The following SYNPO variants were observed in gnomAD, a reference collection of about 807,000 sequenced individuals.
SYNPO encodes synaptopodin.
In SYNPO, 19 loss-of-function variants were observed where a neutral mutation model predicts 49.5. The observed-to-expected ratio is 0.38, with a 90% CI of 0.27 to 0.56. The LOEUF (loss-of-function observed/expected upper bound fraction) is 0.56, where lower values mean the gene tolerates loss of function less well. Ranked by LOEUF, SYNPO falls within the 20% of genes least tolerant of loss-of-function variation. SYNPO has a pLI of 0.68. For synonymous variants in SYNPO, 536 were observed against 548.0 expected (o/e 0.98, Z 0.31); for missense variants, 1,131 against 1,248.3 (o/e 0.91, Z 1.42).
intron 2 of SYNPO, among the ~76,000 whole-genome samples, chr5:150,625,365 G>T (rs1236838771): frequency 6.6e-6 from 1 of 152,210 alleles, no homozygotes; most frequent in Non-Finnish European, 1.5e-5. Flanking sequence ...GCGCCGTGGG[G>T]GCAGCGGGAA....
At chr5:150,606,561 C>T (rs112747499) in intron 1 of SYNPO, among the ~76,000 whole-genome samples, 7 of 152,272 alleles carry the variant, frequency 4.6e-5, no homozygotes, top group African/African-American at 1.7e-4. Context: ...TGTCCCAGAG[C>T]ACTGGGCTCT....
intron 1 of SYNPO, among the ~76,000 whole-genome samples, chr5:150,615,925 TA>T (rs1333448180): frequency 1.3e-5 from 2 of 152,192 alleles, no homozygotes; most frequent in African/African-American, 4.8e-5. Flanking sequence ...AATTCTCTCA[TA>T]GGGTTGATGT....
chr5:150,589,800 T>C, the SYNPO span, among the ~76,000 whole-genome samples: 2 of 152,054 alleles, frequency 1.3e-5, no homozygotes, highest in Non-Finnish European at 2.9e-5. Context: ...CAAATGAGGG[T>C]TTATTCAGAG....
intron 2 of SYNPO, among the ~76,000 whole-genome samples, chr5:150,625,684 C>T (rs1382796804): frequency 6.6e-6 from 1 of 152,218 alleles, no homozygotes; most frequent in Non-Finnish European, 1.5e-5. Flanking sequence ...ATCAGGGGCA[C>T]TGTCCAGAGC....
chr5:150,594,403 G>C, the SYNPO span, among the ~76,000 whole-genome samples: 2 of 152,224 alleles, frequency 1.3e-5, no homozygotes, highest in Admixed American at 6.5e-5. Context: ...AGAGGGGTCA[G>C]AGCAAATCCT....
rs1361740971 is a variant in SYNPO, at chr5:150,648,769, C to T, written c.494C>T (p.Thr165Ile). 2 of 1,614,252 alleles carry T rather than the reference C, an allele frequency of 1.2e-6. No individual in the cohort carries two copies. The highest frequency in any genetic ancestry group is 2.7e-5 in the African/African-American group (2 of 75,066). ...ATTGACAAGGTATCAACTCCAGCTA[C>T]CACCACCAGCACCTTCTCCAGAGAA... Reference protein sequence around the residue: ...LLIDKVSTPATTTSTFSREAT... With the variant: ...LLIDKVSTPAITTSTFSREAT... The change falls in exon 2 of 3, where the codon ACC (threonine) becomes ATC (isoleucine). Residue 165 changes from threonine to isoleucine, a missense_variant. Thr to Ile is a moderately conservative substitution (Grantham distance 89). Transcript: ENST00000307662. The surrounding 1 kb of genome is among the most constrained non-coding windows in gnomAD (Gnocchi z 5.0).
chr5:150,643,818 C>A (rs956631257), intron 1 of SYNPO, among the ~76,000 whole-genome samples: 1 of 152,136 alleles, frequency 6.6e-6, no homozygotes, highest in Non-Finnish European at 1.5e-5. Context: ...CAGGCGCGAG[C>A]CACCGCGCCC....
In SYNPO at chr5:150,657,123, C is replaced by T. The variant is rs1561664011; in HGVS notation, c.*36C>T. On this transcript the variant is annotated 3_prime_UTR_variant, in exon 3 of 3. Coordinates refer to ENST00000307662, the MANE Select transcript of SYNPO (RefSeq NM_007286.6). The stretch of plus-strand genomic sequence containing the variant: ...CCGACCCCACCCCGGGAGGGCAGAG[C>T]CAGAAGAAGGCTCATTAGACCTGGG... 1.3e-6 allele frequency: 2 copies of T among 1,495,672 alleles called. No homozygotes were observed. Among genetic ancestry groups the T allele is most frequent in the Non-Finnish European group, 1.8e-6 (2 of 1,114,100 alleles). The allele number at this position is 1,495,672 out of a possible 1,614,324, so 92.7% of individuals were successfully genotyped here. A position where few individuals can be genotyped will look rare whatever the true frequency, so the allele number is the denominator to read the frequency against.
At chr5:150,617,203 C>T (rs1757004947) in intron 1 of SYNPO, among the ~76,000 whole-genome samples, 1 of 152,150 alleles carries the variant, frequency 6.6e-6, no homozygotes, top group South Asian at 2.1e-4. Flanking sequence ...TTAGAGAGGT[C>T]CTGTGGCTGG....
chr5:150,605,343 A>G (rs550660650), intron 1 of SYNPO, among the ~76,000 whole-genome samples: 2 of 152,330 alleles, frequency 1.3e-5, no homozygotes, highest in South Asian at 2.1e-4. Context: ...GGTCAGGACT[A>G]GCACTCTTCC....
chr5:150,626,049 C>T (rs573581506), intron 2 of SYNPO, among the ~76,000 whole-genome samples: 6 of 152,190 alleles, frequency 3.9e-5, no homozygotes, highest in African/African-American at 1.4e-4. Context: ...TGCCCTACCC[C>T]CTGTCCATTA....
chr5:150,614,072 C>T (rs1756923156), intron 1 of SYNPO, among the ~76,000 whole-genome samples: 1 of 152,230 alleles, frequency 6.6e-6, no homozygotes, highest in African/African-American at 2.4e-5. Context: ...AGGTGAGCAG[C>T]ACACAGCAAT....
the SYNPO span, among the ~76,000 whole-genome samples, chr5:150,590,036 G>A: frequency 1.7e-4 from 26 of 152,372 alleles, 1 homozygote; most frequent in South Asian, 3.7e-3. Flanking sequence ...GCCAAAGCCC[G>A]CGCAGAGGGC....
chr5:150,608,021 G>A (rs572170446), intron 1 of SYNPO, among the ~76,000 whole-genome samples: 325 of 152,312 alleles, frequency 2.1e-3, no homozygotes, highest in African/African-American at 6.5e-3. Flanking sequence ...GCTAGTGGCC[G>A]CCATGTTGGA....
intron 1 of SYNPO, among the ~76,000 whole-genome samples, chr5:150,604,442 C>G (rs1756635065): frequency 6.6e-6 from 1 of 152,204 alleles, no homozygotes. Context: ...GGGTTCTTGA[C>G]TTCCTTAGAT....
In SYNPO at chr5:150,658,379, A is replaced by T. The variant is rs938149601; in HGVS notation, c.*1292A>T. 4 of 152,314 alleles carry T rather than the reference A, an allele frequency of 2.6e-5. No homozygotes were observed. Among genetic ancestry groups the T allele is most frequent in the Admixed American group, 6.5e-5 (1 of 15,276 alleles). The allele number at this position is 152,314 out of a possible 1,614,324, so 9.4% of individuals were successfully genotyped here. On this transcript the variant is annotated 3_prime_UTR_variant, in exon 3 of 3. Coordinates refer to ENST00000307662, the MANE Select transcript of SYNPO (RefSeq NM_007286.6). ...GTCCATATCGTGCCCAGAAAAGTAG[A>T]CATTATCCTGCCCCATCCCTTCCCC... is the stretch of plus-strand genomic sequence containing the variant.
intron 1 of SYNPO, among the ~76,000 whole-genome samples, chr5:150,606,612 A>G (rs950127890): frequency 3.3e-5 from 5 of 152,146 alleles, no homozygotes; most frequent in Non-Finnish European, 7.4e-5. Flanking sequence ...TTCACCTCCA[A>G]TATTGCCATG....
At chr5:150,650,852 G>T in intron 2 of SYNPO, 1 of 1,269,880 alleles carries the variant, frequency 7.9e-7, no homozygotes, top group Middle Eastern at 3.0e-4. Context: ...ACCTCCATGG[G>T]CCTGTCTCTT....
intron 2 of SYNPO, among the ~76,000 whole-genome samples, chr5:150,655,208 T>G (rs559955152): frequency 2.0e-5 from 3 of 152,356 alleles, no homozygotes; most frequent in Non-Finnish European, 4.4e-5. Flanking sequence ...TCTAAACTTA[T>G]ATAAAAAGTA....
Sources: gnomAD v4.1 joint callset for allele counts (sites outside exome capture counted in the v4.1 genomes callset) on GRCh38, gnomAD v4.1.1 for gene constraint, Gnocchi (gnomAD v3.1) non-coding constraint, MANE v1.5 for transcripts, NCBI Gene and HGNC (gene_info 2026-07-23, HGNC 2026-07-21) for gene names.